TMC1: variants seen among roughly 807,000 people sequenced by gnomAD.
TMC1 encodes transmembrane channel-like protein 1.
In TMC1, 84 loss-of-function variants were observed where a neutral mutation model predicts 105.8. The observed-to-expected ratio is 0.79, with a 90% CI of 0.67 to 0.95. TMC1 has a LOEUF of 0.95. Among genes scored for constraint, TMC1 ranks in the 40% least tolerant of loss-of-function variants. The probability of loss-of-function intolerance (pLI) is 0.00; values close to 1 mark genes in which losing one functional copy is unlikely to be tolerated. For synonymous variants in TMC1, 315 were observed against 311.5 expected (o/e 1.01, Z -0.12); for missense variants, 817 against 914.1 (o/e 0.89, Z 1.37).
At chr9:72,566,637 G>C (rs1253964697) in intron 1 of TMC1, among the ~76,000 whole-genome samples, 1 of 152,168 alleles carries the variant, frequency 6.6e-6, no homozygotes, top group Non-Finnish European at 1.5e-5. Context: ...GAGCCCACAG[G>C]AAGCCCTGCT....
chr9:72,700,774 A>C, intron 8 of TMC1, 131 bp downstream of exon 8: 1 of 338,828 alleles, frequency 3.0e-6, no homozygotes, highest in Non-Finnish European at 5.4e-6. Context: ...ACACACACAC[A>C]CACACATACA....
At chr9:72,818,816 G>A (rs144110252) in intron 19 of TMC1, 237 of 152,116 alleles carry the variant, frequency 1.6e-3, no homozygotes, top group African/African-American at 5.5e-3. Flanking sequence ...ATTAACATTC[G>A]GATATTATTA....
chr9:72,592,757 G>A lies in TMC1; in HGVS notation c.-306+14734G>A, dbSNP rs373227035. On this transcript the variant is annotated intron_variant, in intron 2 of 23. Coordinates refer to ENST00000297784, the MANE Select transcript of TMC1 (RefSeq NM_138691.3). ...CTCAATGTCTTACACTTATGGAACC[G>A]TCAAAGACAGCTGTTAAATGTCCAA... Among the ~76,000 whole-genome samples the A allele has an allele frequency of 3.3e-5, 5 of 152,290 alleles. No individual in the cohort carries two copies. The South Asian group carries it at 6.2e-4, about 19-fold the overall frequency.
chr9:72,761,320 AG>A (rs1827752149), intron 12 of TMC1, among the ~76,000 whole-genome samples: 1 of 152,190 alleles, frequency 6.6e-6, no homozygotes, highest in Admixed American at 6.5e-5. Flanking sequence ...AGAAAGAAGG[AG>A]GAACTAAAGT....
At chr9:72,584,779 C>CTTTTGTT (rs1824526808) in intron 2 of TMC1, among the ~76,000 whole-genome samples, 1 of 101,660 alleles carries the variant, frequency 9.8e-6, no homozygotes, top group African/African-American at 4.4e-5. Flanking sequence ...TTTTTCTTTT[C>CTTTTGTT]TTTTCTTTTT....
chr9:72,677,648 A>G (rs1826223760), intron 5 of TMC1, among the ~76,000 whole-genome samples: 3 of 152,196 alleles, frequency 2.0e-5, no homozygotes, highest in Admixed American at 1.3e-4. Context: ...TGACTCAGAT[A>G]TAGACAATCA....
intron 13 of TMC1, 42 bp downstream of exon 13, chr9:72,772,597 G>A (rs747927383): frequency 1.9e-6 from 3 of 1,611,776 alleles, no homozygotes; most frequent in Non-Finnish European, 2.5e-6. Context: ...AATGATTTCT[G>A]GAATCAAATG....
At chr9:72,700,687 T>G (rs1403002429) in intron 8 of TMC1, 44 bp downstream of exon 8, 1 of 1,381,254 alleles carries the variant, frequency 7.2e-7, no homozygotes, top group Non-Finnish European at 1.0e-6. Context: ...TCCCTGATAT[T>G]GATTTTCTAA....
chr9:72,685,416 A>T (rs1435661081), intron 5 of TMC1, among the ~76,000 whole-genome samples: 11 of 114,522 alleles, frequency 9.6e-5, no homozygotes, highest in East Asian at 2.5e-4. Flanking sequence ...CAGGCTGGAG[A>T]GCAGTGGCAC....
chr9:72,613,957 T>C (rs1825079218), intron 2 of TMC1, among the ~76,000 whole-genome samples: 1 of 152,120 alleles, frequency 6.6e-6, no homozygotes, highest in Non-Finnish European at 1.5e-5. Flanking sequence ...GCTCTATGTT[T>C]AAAACTAGAT....
intron 18 of TMC1, 90 bp from the exon 19 acceptor site, chr9:72,816,053 T>C: frequency 8.8e-7 from 1 of 1,138,934 alleles, no homozygotes; most frequent in South Asian, 1.2e-5. Flanking sequence ...GGGAAGTAAT[T>C]GAAACCCTAG....
chr9:72,744,284 T>C (rs1827450088), intron 10 of TMC1, among the ~76,000 whole-genome samples: 1 of 152,228 alleles, frequency 6.6e-6, no homozygotes, highest in African/African-American at 2.4e-5. Context: ...TAATTCATTT[T>C]ATGTTCATTT....
At chr9:72,831,321 A>G (rs1399797872) in intron 23 of TMC1, among the ~76,000 whole-genome samples, 1 of 152,076 alleles carries the variant, frequency 6.6e-6, no homozygotes, top group Admixed American at 6.5e-5. Context: ...CTGTTTCCCC[A>G]CTGTAAGTAA....
At chr9:72,691,988 G>A (rs1588034410) in intron 6 of TMC1, among the ~76,000 whole-genome samples, 1 of 152,212 alleles carries the variant, frequency 6.6e-6, no homozygotes, top group African/African-American at 2.4e-5. Flanking sequence ...AAGTGGGACA[G>A]AAGCCAGTCC....
chr9:72,669,299 A>G (rs2589624), intron 5 of TMC1, among the ~76,000 whole-genome samples: 35,068 of 151,982 alleles, frequency 0.23, 4,324 homozygotes, highest in East Asian at 0.38. Flanking sequence ...AAAGAGTAAG[A>G]CTCTATCTAA....
At chr9:72,717,527 C>T (rs1465379779) in intron 8 of TMC1, among the ~76,000 whole-genome samples, 1 of 152,062 alleles carries the variant, frequency 6.6e-6, no homozygotes, top group East Asian at 1.9e-4. Flanking sequence ...TGGCCTTTGT[C>T]TGAAAAAGAC....
chr9:72,535,965 C>T (rs1052931662), intron 1 of TMC1, among the ~76,000 whole-genome samples: 1 of 152,206 alleles, frequency 6.6e-6, no homozygotes, highest in African/African-American at 2.4e-5. Context: ...TTAGGCCCCA[C>T]CTCCAACATT....
At chr9:72,676,952 A>T (rs1826211949) in intron 5 of TMC1, among the ~76,000 whole-genome samples, 1 of 151,838 alleles carries the variant, frequency 6.6e-6, no homozygotes, top group Admixed American at 6.6e-5. Flanking sequence ...AATGAACCTG[A>T]TCTCTCTCTC....
At chr9:72,738,994 G>T (rs1241006811) in intron 8 of TMC1, among the ~76,000 whole-genome samples, 1 of 151,028 alleles carries the variant, frequency 6.6e-6, no homozygotes, top group Non-Finnish European at 1.5e-5. Flanking sequence ...ATTTTTTTTT[G>T]GTAAATTGTT....
Sources: allele counts gnomAD v4.1 joint callset (sites outside exome capture counted in the v4.1 genomes callset), GRCh38; gene constraint gnomAD v4.1.1; transcripts MANE v1.5; gene names NCBI Gene and HGNC (gene_info 2026-07-23, HGNC 2026-07-21).